The following CYBA variants were observed in gnomAD, a reference collection of about 807,000 sequenced individuals.
CYBA encodes the protein cytochrome b-245 light chain.
In CYBA, 21 loss-of-function variants were observed where a neutral mutation model predicts 20.8. That is an observed-to-expected ratio of 1.01 (90% CI 0.72 to 1.46). The LOEUF (loss-of-function observed/expected upper bound fraction) is 1.46, where lower values mean the gene tolerates loss of function less well. Ranked by LOEUF, CYBA falls within the 40% of genes most tolerant of loss-of-function variation. CYBA has a pLI of 0.00. For synonymous variants in CYBA, 164 were observed against 127.5 expected (o/e 1.29, Z -1.93); for missense variants, 344 against 287.0 (o/e 1.20, Z -1.43).
At chr16:88,645,214 G>A in intron 5 of CYBA, 5 of 702,408 alleles carry the variant, frequency 7.1e-6, no homozygotes, top group South Asian at 3.0e-5. Context: ...GGTGGCCCCC[G>A]GAAAACAAAG....
At chr16:88,646,027 CG>C in intron 5 of CYBA, 88 bp downstream of exon 5, 1 of 1,120,468 alleles carries the variant, frequency 8.9e-7, no homozygotes, top group South Asian at 1.3e-5. Context: ...CCTACAGAGC[CG>C]GCTTCAAGGG....
In CYBA at chr16:88,646,240, C is replaced by T. The variant is rs1351859265; in HGVS notation, c.288-43G>A. 3 of 1,078,372 alleles carry T rather than the reference C, an allele frequency of 2.8e-6. No homozygotes were observed. The South Asian group carries it at 5.8e-5, about 21-fold the overall frequency. The allele number at this position is 1,078,372 out of a possible 1,614,324, so 66.8% of individuals were successfully genotyped here. On this transcript the variant is annotated intron_variant, in intron 4 of 5. Transcript: ENST00000261623. Reference sequence around the variant, plus strand: ...AGAGGCAGGGACACAGAAGGGCACTCAGAAAGGGGAACGGAGCCCCAGGTC... The same window carrying T: ...AGAGGCAGGGACACAGAAGGGCACTTAGAAAGGGGAACGGAGCCCCAGGTC...
chr16:88,650,255 G>A (rs916378384), intron 1 of CYBA: 1 of 404,814 alleles, frequency 2.5e-6, no homozygotes, highest in Non-Finnish European at 5.1e-6. Context: ...AGCCTCACCC[G>A]TGCTGGGCCA....
At chr16:88,646,976 T>G in intron 3 of CYBA, 125 bp downstream of exon 3, 1 of 1,197,318 alleles carries the variant, frequency 8.4e-7, no homozygotes, top group Non-Finnish European at 1.2e-6. Flanking sequence ...GGCCTTGGTT[T>G]ACCCACAAGC....
intron 5 of CYBA, chr16:88,644,824 C>CA (rs369980560): frequency 0.012 from 3,335 of 269,332 alleles, 1 homozygote; most frequent in South Asian, 0.023. Context: ...GACTCCATCT[C>CA]AAAAAAAAAA....
At chr16:88,647,981 G>A in intron 2 of CYBA, 64 bp downstream of exon 2, 1 of 1,490,958 alleles carries the variant, frequency 6.7e-7, no homozygotes, top group Non-Finnish European at 9.2e-7. Flanking sequence ...AGCTCACTGT[G>A]AAGTGGCTCC....
intron 1 of CYBA, among the ~76,000 whole-genome samples, chr16:88,649,172 C>CA (rs1249628429): frequency 1.4e-5 from 2 of 148,064 alleles, no homozygotes; most frequent in African/African-American, 2.5e-5. Context: ...CTCCTGACCT[C>CA]GTGATCCGCC....
intron 5 of CYBA, chr16:88,645,221 A>G (rs1459144372): frequency 4.3e-6 from 3 of 702,286 alleles, no homozygotes; most frequent in East Asian, 5.4e-5. Flanking sequence ...CCCGGAAAAC[A>G]AAGCAACAGC....
At chr16:88,650,612 G>A (rs1011153605) in intron 1 of CYBA, 2 of 519,880 alleles carry the variant, frequency 3.8e-6, no homozygotes, top group Admixed American at 2.6e-5. Context: ...CCACTCGGGG[G>A]CTTCGGGGCG....
intron 1 of CYBA, chr16:88,650,152 C>G (rs797002358): frequency 3.0e-6 from 1 of 335,566 alleles, no homozygotes; most frequent in Non-Finnish European, 6.0e-6. Context: ...TCACCCTCAG[C>G]CCCCAGGCCC....
chr16:88,650,221 T>G, intron 1 of CYBA: 1 of 375,024 alleles, frequency 2.7e-6, no homozygotes. Flanking sequence ...GTGGTGCCTC[T>G]GCCCTCAGAC....
chr16:88,646,093 C>T (rs995964099), intron 5 of CYBA, 23 bp downstream of exon 5: 42 of 1,542,596 alleles, frequency 2.7e-5, no homozygotes, highest in South Asian at 3.6e-5. Context: ...TGGCCGGGGC[C>T]GACCTCAGAG....
intron 2 of CYBA, 26 bp from the exon 3 acceptor site, chr16:88,647,201 C>G (rs1907322749): frequency 6.2e-7 from 1 of 1,607,612 alleles, no homozygotes; most frequent in South Asian, 1.1e-5. Flanking sequence ...TAAGGAACAG[C>G]CCAGCTCAGC....
rs1555540970 is a variant in CYBA at position 88,643,461 on chromosome 16, CG to C, written c.479del (p.Pro160ArgfsTer31). 3.3e-6 allele frequency: 5 copies of C among 1,530,848 alleles called. No individual in the cohort carries two copies. Among genetic ancestry groups the C allele is most frequent in the African/African-American group, 1.4e-5 (1 of 72,250 alleles). 94.8% of individuals were successfully genotyped at this position (1,530,848 alleles called of 1,614,324 possible). A position where few individuals can be genotyped will look rare whatever the true frequency, so the allele number is the denominator to read the frequency against. On this transcript the variant is annotated frameshift_variant, in exon 6 of 6. Transcript: ENST00000261623. This position sits in a 1 kb window ranked among gnomAD's most constrained non-coding sequence, Gnocchi z 4.3. The stretch of plus-strand genomic sequence containing the variant: ...CGCTGGGCTTCTTGCGGGCCTCGGC[CG>C]GGGGCCGCGGCGGGGGGTTGCTGGG... The part of the protein sequence containing the change: ...QPPSNPPPRP[P>X]AEARKKPSEE...
intron 2 of CYBA, chr16:88,647,820 A>C (rs966875639): frequency 3.3e-6 from 2 of 611,742 alleles, no homozygotes; most frequent in African/African-American, 3.6e-5. Context: ...CCCCCTGCCC[A>C]CCACTCACCA....
At chr16:88,646,258 C>T (rs1907275985) in intron 4 of CYBA, 61 bp from the exon 5 acceptor site, 1 of 924,008 alleles carries the variant, frequency 1.1e-6, no homozygotes, top group South Asian at 2.3e-5. Context: ...GGAACGGAGC[C>T]CCAGGTCTGG....
intron 4 of CYBA, 55 bp from the exon 5 acceptor site, chr16:88,646,252 C>A (rs901699664): frequency 2.0e-6 from 2 of 993,442 alleles, no homozygotes; most frequent in East Asian, 1.3e-4. Flanking sequence ...GAAAGGGGAA[C>A]GGAGCCCCAG....
chr16:88,644,457 G>A (rs1036476421), intron 5 of CYBA, among the ~76,000 whole-genome samples: 1 of 152,228 alleles, frequency 6.6e-6, no homozygotes, highest in Non-Finnish European at 1.5e-5. Context: ...CAGAAAGCAT[G>A]AAGGCATCCC....
At position 88,646,212 on chromosome 16, in the gene CYBA, G is replaced by A; in HGVS notation, c.288-15C>T. The A allele has an allele frequency of 6.5e-7, 1 of 1,546,084 alleles. No homozygotes were observed. The highest frequency in any genetic ancestry group is 8.7e-7 in the Non-Finnish European group (1 of 1,148,832). On this transcript the variant is annotated splice_polypyrimidine_tract_variant and intron_variant, in intron 4 of 5. Coordinates refer to ENST00000261623, the MANE Select transcript of CYBA (RefSeq NM_000101.4). Reference sequence around the variant, plus strand: ...GCACCGAGAGCCTGGGGGACAGCGGGTGAGAGGCAGGGACACAGAAGGGCA... The same window carrying A: ...GCACCGAGAGCCTGGGGGACAGCGGATGAGAGGCAGGGACACAGAAGGGCA...
Sources: allele counts gnomAD v4.1 joint callset (sites outside exome capture counted in the v4.1 genomes callset), GRCh38; gene constraint gnomAD v4.1.1; non-coding constraint Gnocchi (gnomAD v3.1); transcripts MANE v1.5; gene names NCBI Gene and HGNC (gene_info 2026-07-23, HGNC 2026-07-21).